DEPTOR: variants seen among roughly 807,000 people sequenced by gnomAD.
DEPTOR encodes DEP domain-containing mTOR-interacting protein.
DEPTOR carries 41 observed loss-of-function variants against 41.6 expected under a neutral mutation model. The ratio of observed to expected loss-of-function variants is 0.98; its 90% confidence interval spans 0.77 to 1.28. The LOEUF (loss-of-function observed/expected upper bound fraction) is 1.28. Among genes scored for constraint, DEPTOR ranks in the 50% most tolerant of loss-of-function variants. DEPTOR has a pLI of 0.00. For missense variants in DEPTOR, 514 were observed against 527.9 expected (o/e 0.97, Z 0.26); for synonymous variants, 195 against 192.3 (o/e 1.01, Z -0.12).
intron 3 of DEPTOR, among the ~76,000 whole-genome samples, chr8:119,955,572 T>C (rs1469306476): frequency 4.6e-5 from 7 of 152,074 alleles, no homozygotes; most frequent in Non-Finnish European, 1.0e-4. Flanking sequence ...GTTCAAGCGA[T>C]TCTCCTGCCT....
At chr8:120,045,460 G>T (rs1519807) in intron 8 of DEPTOR, among the ~76,000 whole-genome samples, 68,772 of 151,628 alleles carry the variant, frequency 0.45, 16,466 homozygotes, top group African/African-American at 0.6. Context: ...AGCTTCAACC[G>T]CCTGGGTTGA....
At chr8:119,882,773 G>A (rs979294539) in intron 1 of DEPTOR, among the ~76,000 whole-genome samples, 4 of 152,086 alleles carry the variant, frequency 2.6e-5, no homozygotes, top group Non-Finnish European at 4.4e-5. Flanking sequence ...GCTCTTAAAT[G>A]GTTGGTTTCC....
intron 4 of DEPTOR, among the ~76,000 whole-genome samples, chr8:119,967,611 G>T (rs1227096902): frequency 6.6e-6 from 1 of 151,688 alleles, no homozygotes; most frequent in Non-Finnish European, 1.5e-5. Flanking sequence ...AACATTAGCT[G>T]GGTGTGGTGG....
At chr8:119,880,713 T>C (rs1433080678) in intron 1 of DEPTOR, among the ~76,000 whole-genome samples, 1 of 152,242 alleles carries the variant, frequency 6.6e-6, no homozygotes, top group Non-Finnish European at 1.5e-5. Flanking sequence ...AAACTCAATC[T>C]TTCTGACATG....
At chr8:120,008,397 T>G (rs1812478411) in intron 7 of DEPTOR, among the ~76,000 whole-genome samples, 1 of 151,926 alleles carries the variant, frequency 6.6e-6, no homozygotes, top group Non-Finnish European at 1.5e-5. Flanking sequence ...GGCATGGTGT[T>G]GCATGCCTGT....
In DEPTOR at chr8:119,928,336, G is replaced by A. The variant is rs567001825; in HGVS notation, c.123-64G>A. ...ACTTCTGTTATGTTATTACTGTCTG[G>A]GATTGGTTTAATAATTTGTGCTGTC... On this transcript the variant is annotated intron_variant, in intron 1 of 8. Coordinates refer to ENST00000286234, the MANE Select transcript of DEPTOR (RefSeq NM_022783.4). The A allele has an allele frequency of 8.2e-4, 1,256 of 1,533,600 alleles. 4 individuals are homozygous for A. The highest frequency in any genetic ancestry group is 1.1e-3 in the Non-Finnish European group (1,189 of 1,124,170). 95.0% of individuals were successfully genotyped at this position (1,533,600 alleles called of 1,614,324 possible).
At chr8:119,980,591 C>T (rs1444076024) in intron 4 of DEPTOR, among the ~76,000 whole-genome samples, 3 of 150,234 alleles carry the variant, frequency 2.0e-5, no homozygotes, top group East Asian at 3.9e-4. Flanking sequence ...AATCTCGGCT[C>T]ACTGCAACCT....
Position 119,944,129 on chromosome 8 carries a change from C to T in DEPTOR, c.425+14191C>T, listed in dbSNP as rs181856780. Among the ~76,000 whole-genome samples the T allele has an allele frequency of 3.8e-3, 584 of 152,182 alleles. 3 individuals carry two copies. Among genetic ancestry groups the T allele is most frequent in the African/African-American group, 0.013 (545 of 41,538 alleles). On this transcript the variant is annotated intron_variant, in intron 3 of 8. Transcript: ENST00000286234. The stretch of plus-strand genomic sequence containing the variant: ...TGCTGGGATTACAGGCGTTAGCCAC[C>T]GCTCTGGGCCTAAATTGTCTTTTTT...
At chr8:119,896,578 C>T (rs1231891876) in intron 1 of DEPTOR, among the ~76,000 whole-genome samples, 1 of 152,192 alleles carries the variant, frequency 6.6e-6, no homozygotes, top group Non-Finnish European at 1.5e-5. Flanking sequence ...CAGCTCACTG[C>T]AACCTCTACC....
At chr8:120,001,480 G>A in intron 4 of DEPTOR, 45 bp from the exon 5 acceptor site, 4 of 1,531,096 alleles carry the variant, frequency 2.6e-6, no homozygotes, top group East Asian at 2.3e-5. Flanking sequence ...TCAGTGGCCA[G>A]GATGCCAGAT....
At chr8:120,014,927 C>A (rs967791170) in intron 8 of DEPTOR, among the ~76,000 whole-genome samples, 1 of 150,654 alleles carries the variant, frequency 6.6e-6, no homozygotes, top group African/African-American at 2.4e-5. Context: ...TTAATCACAT[C>A]AAGTCTAAAC....
intron 1 of DEPTOR, among the ~76,000 whole-genome samples, chr8:119,907,011 A>C (rs1013892335): frequency 6.6e-6 from 1 of 152,224 alleles, no homozygotes; most frequent in Admixed American, 6.5e-5. Flanking sequence ...TTGTATAAGC[A>C]GGCGAAGAGA....
At chr8:119,954,142 T>C (rs1329414112) in intron 3 of DEPTOR, among the ~76,000 whole-genome samples, 2 of 150,896 alleles carry the variant, frequency 1.3e-5, no homozygotes, top group Non-Finnish European at 2.9e-5. Context: ...AATGAATAAT[T>C]AACTTTTTTT....
At chr8:119,957,691 C>T (rs1386138588) in intron 3 of DEPTOR, among the ~76,000 whole-genome samples, 2 of 151,300 alleles carry the variant, frequency 1.3e-5, no homozygotes, top group Non-Finnish European at 2.9e-5. Flanking sequence ...TGGGTTCAAG[C>T]GATGCTCCTG....
intron 4 of DEPTOR, chr8:119,969,679 G>A (rs1029030117): frequency 2.0e-5 from 3 of 152,132 alleles, no homozygotes; most frequent in African/African-American, 7.2e-5. Flanking sequence ...AACCACCGAA[G>A]TATGCTTCCC....
intron 1 of DEPTOR, among the ~76,000 whole-genome samples, chr8:119,876,615 G>C (rs1243240450): frequency 6.6e-6 from 1 of 151,198 alleles, no homozygotes; most frequent in Non-Finnish European, 1.5e-5. Context: ...TCCAGCCTGG[G>C]CAACAGAGTG....
chr8:119,944,101 A>G (rs1287150361), intron 3 of DEPTOR, among the ~76,000 whole-genome samples: 1 of 152,090 alleles, frequency 6.6e-6, no homozygotes, highest in Non-Finnish European at 1.5e-5. Flanking sequence ...CGGCCTCCCA[A>G]AGTGCTGGGA....
intron 3 of DEPTOR, among the ~76,000 whole-genome samples, chr8:119,940,372 G>T (rs938966246): frequency 5.3e-5 from 8 of 152,190 alleles, no homozygotes; most frequent in Non-Finnish European, 1.2e-4. Context: ...CCAAAAAGTG[G>T]AAGTAACCCA....
chr8:120,016,040 G>A (rs1251661732), intron 8 of DEPTOR, among the ~76,000 whole-genome samples: 1 of 152,110 alleles, frequency 6.6e-6, no homozygotes, highest in Admixed American at 6.6e-5. Context: ...AAGGTTGCTG[G>A]CCTGGCTCTA....
Sources: gnomAD v4.1 joint callset for allele counts (sites outside exome capture counted in the v4.1 genomes callset) on GRCh38, gnomAD v4.1.1 for gene constraint, MANE v1.5 for transcripts, NCBI Gene and HGNC (gene_info 2026-07-23, HGNC 2026-07-21) for gene names.